Variants in DPP10 observed in about 807,000 individuals in gnomAD.
The protein encoded by DPP10 is dipeptidyl peptidase like 10, also known as inactive dipeptidyl peptidase 10.
In DPP10, 33 loss-of-function variants were observed where a neutral mutation model predicts 120.9. The ratio of observed to expected loss-of-function variants is 0.27; its 90% CI spans 0.21 to 0.37. DPP10 has a LOEUF of 0.37. Among genes scored for constraint, DPP10 ranks in the 10% least tolerant of loss-of-function variants. The pLI is 1.00. For missense variants in DPP10, 816 were observed against 942.8 expected (o/e 0.87, Z 1.76); for synonymous variants, 337 against 326.1 (o/e 1.03, Z -0.36).
intron 1 of DPP10, among the ~76,000 whole-genome samples, chr2:114,649,656 C>A (rs922202265): frequency 6.6e-6 from 1 of 152,080 alleles, no homozygotes; most frequent in African/African-American, 2.4e-5. Context: ...GTTCATCATA[C>A]AATTAAAATA....
intron 3 of DPP10, among the ~76,000 whole-genome samples, chr2:115,477,778 G>C (rs139446578): frequency 2.3e-3 from 347 of 152,188 alleles, no homozygotes; most frequent in African/African-American, 7.8e-3. Context: ...TCAAAACAGT[G>C]TGGTAATGGT....
At chr2:115,543,583 A>G (rs2148972898) in intron 5 of DPP10, among the ~76,000 whole-genome samples, 1 of 152,130 alleles carries the variant, frequency 6.6e-6, no homozygotes, top group Middle Eastern at 3.4e-3. Flanking sequence ...TTGGTGTTTT[A>G]CATGTATTTC....
At chr2:115,489,266 G>T (rs998966768) in intron 3 of DPP10, among the ~76,000 whole-genome samples, 1 of 151,546 alleles carries the variant, frequency 6.6e-6, no homozygotes, top group Non-Finnish European at 1.5e-5. Context: ...TAGAAAGCCA[G>T]ATTAGCCCAA....
intron 1 of DPP10, among the ~76,000 whole-genome samples, chr2:115,273,893 T>A (rs570672114): frequency 6.6e-6 from 1 of 152,316 alleles, no homozygotes; most frequent in South Asian, 2.1e-4. Flanking sequence ...CTTTTACTAG[T>A]ATTTCATAGC....
intron 1 of DPP10, among the ~76,000 whole-genome samples, chr2:114,486,499 T>A (rs1427720120): frequency 1.3e-5 from 2 of 152,166 alleles, no homozygotes; most frequent in Non-Finnish European, 2.9e-5. Context: ...AAGTAATTTT[T>A]GAAGAAGGCA....
chr2:115,202,293 T>C (rs1352780472), intron 1 of DPP10, among the ~76,000 whole-genome samples: 3 of 152,176 alleles, frequency 2.0e-5, no homozygotes, highest in Admixed American at 2.0e-4. Flanking sequence ...TTAAGCAATT[T>C]TCTATGACCT....
At chr2:115,094,126 C>T (rs1709517492) in intron 1 of DPP10, among the ~76,000 whole-genome samples, 1 of 151,840 alleles carries the variant, frequency 6.6e-6, no homozygotes, top group Admixed American at 6.6e-5. Context: ...AGTTCAAGTT[C>T]CTATTAAACA....
intron 1 of DPP10, among the ~76,000 whole-genome samples, chr2:114,805,123 C>CCATGAAGTA (rs1684608224): frequency 6.6e-6 from 1 of 152,144 alleles, no homozygotes; most frequent in Non-Finnish European, 1.5e-5. Flanking sequence ...TCTCTTGCCG[C>CCATGAAGTA]CATGAAGTAA....
chr2:114,894,951 A>T (rs1455675429), intron 1 of DPP10, among the ~76,000 whole-genome samples: 4 of 152,198 alleles, frequency 2.6e-5, no homozygotes, highest in African/African-American at 9.6e-5. Context: ...TTGAGTAAAA[A>T]TTCAGTTATT....
At chr2:114,686,827 T>C (rs1699401528) in intron 1 of DPP10, among the ~76,000 whole-genome samples, 1 of 151,928 alleles carries the variant, frequency 6.6e-6, no homozygotes, top group Admixed American at 6.6e-5. Flanking sequence ...GTCGTTCTAT[T>C]TAACATAATT....
At chr2:115,565,269 A>G (rs1379520219) in intron 5 of DPP10, among the ~76,000 whole-genome samples, 2 of 152,218 alleles carry the variant, frequency 1.3e-5, no homozygotes, top group Non-Finnish European at 2.9e-5. Flanking sequence ...ATGAAATACT[A>G]TAAACCCTTC....
chr2:115,444,841 A>G (rs2072421242), intron 3 of DPP10, among the ~76,000 whole-genome samples: 2 of 152,178 alleles, frequency 1.3e-5, no homozygotes, highest in Admixed American at 6.5e-5. Flanking sequence ...TTTTGCTGGT[A>G]GGCCTATAAC....
At chr2:115,270,295 C>T (rs2059643850) in intron 1 of DPP10, among the ~76,000 whole-genome samples, 1 of 151,844 alleles carries the variant, frequency 6.6e-6, no homozygotes, top group African/African-American at 2.4e-5. Flanking sequence ...GTATAAGAAG[C>T]AGTTTATTAC....
rs1382109926 is a variant in DPP10, at chr2:114,449,805, A to T, written c.60+6967A>T. On this transcript the variant is annotated intron_variant, in intron 1 of 25. Transcript: ENST00000410059. Reference sequence around the variant, plus strand: ...CATAAGGAGTTGTATAGTGAGAATCAATTTTTATGACATAAAAGCTGAGAA... The same window carrying T: ...CATAAGGAGTTGTATAGTGAGAATCTATTTTTATGACATAAAAGCTGAGAA... Among the ~76,000 whole-genome samples, 3 of 152,210 alleles carry T rather than the reference A, an allele frequency of 2.0e-5. No individual in the cohort carries two copies. In the East Asian group the frequency reaches 5.8e-4, roughly 29 times the overall value.
intron 1 of DPP10, among the ~76,000 whole-genome samples, chr2:115,289,245 A>G (rs71418548): frequency 0.036 from 5,549 of 152,128 alleles, 214 homozygotes; most frequent in East Asian, 0.2. Flanking sequence ...GAGGTGAATG[A>G]TCTCCACAAG....
chr2:114,802,022 T>G (rs973258454), intron 1 of DPP10, among the ~76,000 whole-genome samples: 2 of 152,190 alleles, frequency 1.3e-5, no homozygotes, highest in Non-Finnish European at 2.9e-5. Context: ...TAATTCTAAT[T>G]ATTAATATGG....
intron 3 of DPP10, among the ~76,000 whole-genome samples, chr2:115,353,310 T>A (rs1172239936): frequency 2.0e-5 from 3 of 152,082 alleles, no homozygotes; most frequent in Admixed American, 2.0e-4. Context: ...GGTGTGTAAG[T>A]TTAACGGTAA....
At chr2:114,963,480 A>T (rs193146077) in intron 1 of DPP10, among the ~76,000 whole-genome samples, 1 of 152,234 alleles carries the variant, frequency 6.6e-6, no homozygotes, top group African/African-American at 2.4e-5. Context: ...GAAGTAAGGA[A>T]AAATGTGTAT....
intron 3 of DPP10, among the ~76,000 whole-genome samples, chr2:115,476,408 A>G (rs1327483596): frequency 1.3e-5 from 2 of 152,152 alleles, no homozygotes; most frequent in Non-Finnish European, 2.9e-5. Context: ...CTTCCTGTAC[A>G]GCCTATAGAA....
Sources: allele counts gnomAD v4.1 joint callset (sites outside exome capture counted in the v4.1 genomes callset), GRCh38; gene constraint gnomAD v4.1.1; transcripts MANE v1.5; gene names NCBI Gene and HGNC (gene_info 2026-07-23, HGNC 2026-07-21).